Variants in TRHDE observed in about 807,000 individuals in gnomAD.
The protein encoded by TRHDE is thyrotropin releasing hormone degrading enzyme, also known as thyrotropin-releasing hormone-degrading ectoenzyme.
TRHDE carries 72 observed loss-of-function variants against 125.7 expected under a neutral mutation model. The observed-to-expected ratio is 0.57, with a 90% CI of 0.47 to 0.70. TRHDE has a LOEUF of 0.70. Ranked by LOEUF, TRHDE falls within the 30% of genes least tolerant of loss-of-function variation. The pLI is 0.00. For synonymous variants in TRHDE, 509 were observed against 509.1 expected (o/e 1.00, Z 0.00); for missense variants, 1,110 against 1,327.1 (o/e 0.84, Z 2.54).
intron 2 of TRHDE, among the ~76,000 whole-genome samples, chr12:72,317,787 G>A (rs1868875255): frequency 6.6e-6 from 1 of 152,124 alleles, no homozygotes; most frequent in South Asian, 2.1e-4. Context: ...AGGATGGAAT[G>A]GGCAGGGAAC....
At chr12:72,455,970 T>C (rs1439008897) in intron 3 of TRHDE, among the ~76,000 whole-genome samples, 1 of 151,832 alleles carries the variant, frequency 6.6e-6, no homozygotes, top group Non-Finnish European at 1.5e-5. Context: ...CTAATCTTAA[T>C]CCTACATATA....
chr12:72,378,051 C>G lies in TRHDE; in HGVS notation c.1245C>G (p.Leu415=). The G allele has an allele frequency of 6.2e-7, 1 of 1,606,696 alleles. No homozygotes were observed. Among genetic ancestry groups the G allele is most frequent in the Non-Finnish European group, 8.5e-7 (1 of 1,175,562 alleles). ...GAAGAGGATCCGGGGACTATGCTCT[C>G]CATATAACAAAGAGATTAATAGAAT... The part of the protein sequence containing the change: ...AIRRGSGDYA[L]HITKRLIEFY... The change falls in exon 3 of 19, where the codon CTC becomes CTG. Residue 415 remains leucine, a synonymous_variant. Transcript: ENST00000261180.
intron 2 of TRHDE, among the ~76,000 whole-genome samples, chr12:72,321,015 T>C (rs1355350422): frequency 6.6e-6 from 1 of 152,172 alleles, no homozygotes; most frequent in African/African-American, 2.4e-5. Context: ...TTTCAACTTA[T>C]TAGTGGGAAA....
intron 6 of TRHDE, among the ~76,000 whole-genome samples, chr12:72,527,821 A>G (rs959229826): frequency 6.6e-6 from 1 of 152,158 alleles, no homozygotes; most frequent in Non-Finnish European, 1.5e-5. Context: ...AAAAGTATGA[A>G]TTTCATCATG....
chr12:72,151,053 A>G (rs1398432414), intron 2 of TRHDE, among the ~76,000 whole-genome samples: 2 of 152,192 alleles, frequency 1.3e-5, no homozygotes, highest in African/African-American at 2.4e-5. Flanking sequence ...CATCATCTCC[A>G]GCACCTGTTG....
At chr12:72,313,293 T>G (rs963610112) in intron 2 of TRHDE, among the ~76,000 whole-genome samples, 3 of 151,950 alleles carry the variant, frequency 2.0e-5, no homozygotes, top group Admixed American at 1.3e-4. Flanking sequence ...ATATTTATAT[T>G]TATACAAGTT....
chr12:72,301,123 C>T lies in TRHDE; in HGVS notation c.1188+14169C>T, dbSNP rs534109115. Among the ~76,000 whole-genome samples the T allele has an allele frequency of 3.3e-5, 5 of 152,112 alleles. No individual in the cohort carries two copies. The South Asian group carries it at 1.0e-3, about 32-fold the overall frequency. ...GAGAAAAATGAAGAAATACGGAGTT[C>T]TATTTTTTTTTATTACCTGTGTCTC... On this transcript the variant is annotated intron_variant, in intron 2 of 18. Transcript: ENST00000261180.
chr12:72,623,835 C>A (rs768828012), intron 15 of TRHDE, among the ~76,000 whole-genome samples: 1 of 152,002 alleles, frequency 6.6e-6, no homozygotes. Flanking sequence ...TAATTGCGGT[C>A]ACGTTTGACT....
intron 15 of TRHDE, among the ~76,000 whole-genome samples, chr12:72,644,271 C>A (rs577052539): frequency 1.3e-5 from 2 of 152,148 alleles, no homozygotes; most frequent in South Asian, 4.1e-4. Context: ...TTCCTCCTCC[C>A]GGCTTCTCCC....
rs946357160 is a variant in TRHDE at position 72,635,394 on chromosome 12, G to A, written c.2675+13643G>A. ...TTTGTTTGAGTTCATTGTAGATTCTGGATATTAGCCCTTTGTCAGATGAGT... is the reference window on the plus strand; with the variant it reads ...TTTGTTTGAGTTCATTGTAGATTCTAGATATTAGCCCTTTGTCAGATGAGT... On this transcript the variant is annotated intron_variant, in intron 15 of 18. Transcript: ENST00000261180. Among the ~76,000 whole-genome samples, 14 of 151,842 alleles carry A rather than the reference G, an allele frequency of 9.2e-5. 1 individual carries two copies. Among genetic ancestry groups the A allele is most frequent in the Middle Eastern group, 6.8e-3 (2 of 292 alleles).
intron 2 of TRHDE, among the ~76,000 whole-genome samples, chr12:72,232,198 A>C (rs1878260195): frequency 6.6e-6 from 1 of 152,186 alleles, no homozygotes; most frequent in Non-Finnish European, 1.5e-5. Flanking sequence ...AGAATGATCA[A>C]GGGCAGGCAC....
chr12:72,298,497 T>A (rs750618609), intron 2 of TRHDE, among the ~76,000 whole-genome samples: 2 of 152,240 alleles, frequency 1.3e-5, no homozygotes, highest in Non-Finnish European at 2.9e-5. Flanking sequence ...CTTCTTCTTT[T>A]ACATTCCAGT....
At chr12:72,413,525 TCTAC>T (rs1245345709) in intron 3 of TRHDE, among the ~76,000 whole-genome samples, 8 of 151,850 alleles carry the variant, frequency 5.3e-5, no homozygotes, top group Non-Finnish European at 1.2e-4. Context: ...TATTATTAGC[TCTAC>T]CTATTTCATT....
intron 2 of TRHDE, among the ~76,000 whole-genome samples, chr12:72,243,738 T>A (rs1878524755): frequency 6.6e-6 from 1 of 152,228 alleles, no homozygotes; most frequent in Non-Finnish European, 1.5e-5. Flanking sequence ...CAGACTGTTT[T>A]AAGACCTTTT....
At position 72,473,580 on chromosome 12, in the gene TRHDE, A is replaced by T. The variant is rs148091906; in HGVS notation, c.1584+400A>T. Among the ~76,000 whole-genome samples, 474 of 152,246 alleles carry T rather than the reference A, an allele frequency of 3.1e-3. 3 individuals carry two copies. The highest frequency in any genetic ancestry group is 0.011 in the African/African-American group (460 of 41,552). On this transcript the variant is annotated intron_variant, in intron 5 of 18. Transcript: ENST00000261180. ...ATAAAACACAAAAAATACCTAAAAG[A>T]TACGATGTATTATTGTTGTAGATAT...
At chr12:72,603,682 G>C (rs541206503) in intron 12 of TRHDE, among the ~76,000 whole-genome samples, 7 of 151,968 alleles carry the variant, frequency 4.6e-5, no homozygotes, top group Non-Finnish European at 4.4e-5. Flanking sequence ...CCGAGATTGC[G>C]CCACTGCACT....
At chr12:72,163,739 T>A (rs58062719) in intron 2 of TRHDE, among the ~76,000 whole-genome samples, 16,079 of 152,220 alleles carry the variant, frequency 0.11, 1,524 homozygotes, top group African/African-American at 0.25. Flanking sequence ...TTTGAATATC[T>A]TAAAAAAGAA....
chr12:72,568,713 C>A, intron 10 of TRHDE, 57 bp downstream of exon 10: 1 of 1,217,194 alleles, frequency 8.2e-7, no homozygotes, highest in Non-Finnish European at 1.2e-6. Flanking sequence ...TGTTTAGCAA[C>A]TTAACCTCTG....
intron 2 of TRHDE, among the ~76,000 whole-genome samples, chr12:72,168,650 A>G (rs1484441639): frequency 2.0e-5 from 3 of 152,144 alleles, no homozygotes; most frequent in Non-Finnish European, 2.9e-5. Context: ...GCTAGGATGG[A>G]TTTTATTTTC....
Sources: allele counts gnomAD v4.1 joint callset (sites outside exome capture counted in the v4.1 genomes callset), GRCh38; gene constraint gnomAD v4.1.1; transcripts MANE v1.5; gene names NCBI Gene and HGNC (gene_info 2026-07-23, HGNC 2026-07-21).